TRAM2: variants seen among roughly 807,000 people sequenced by gnomAD.
TRAM2 encodes the protein translocating chain-associated membrane protein 2.
Under a neutral mutation model 51.0 loss-of-function variants are expected in TRAM2, and 12 were observed. The ratio of observed to expected loss-of-function variants is 0.24; its 90% confidence interval spans 0.15 to 0.38. The LOEUF (loss-of-function observed/expected upper bound fraction) is 0.38, where lower values mean the gene tolerates loss of function less well. Among genes scored for constraint, TRAM2 ranks in the 10% least tolerant of loss-of-function variants. The probability of loss-of-function intolerance (pLI) is 1.00; values close to 1 mark genes in which losing one functional copy is unlikely to be tolerated. For missense variants in TRAM2, 361 were observed against 462.0 expected (o/e 0.78, Z 2.00); for synonymous variants, 175 against 179.4 (o/e 0.98, Z 0.20).
intron 4 of TRAM2, 48 bp downstream of exon 4, chr6:52,515,957 GC>G (rs761724888): frequency 6.6e-6 from 10 of 1,514,746 alleles, no homozygotes; most frequent in South Asian, 1.1e-5. Flanking sequence ...AGCTGGAATT[GC>G]CCCTTGGTTT....
chr6:52,500,051 A>T lies in TRAM2; in HGVS notation c.*3146T>A, dbSNP rs1218365091. 1 of 152,130 alleles carries T rather than the reference A, an allele frequency of 6.6e-6. No homozygotes were observed. Among genetic ancestry groups the T allele is most frequent in the Non-Finnish European group, 1.5e-5 (1 of 68,122 alleles). 9.4% of individuals were successfully genotyped at this position (152,130 alleles called of 1,614,324 possible). ...CACAGATCCTTGGTCCACCAGCGCC[A>T]CCTCCCTCTCCTCCTGCTGTGTCTG... On this transcript the variant is annotated 3_prime_UTR_variant, in exon 11 of 11. Transcript: ENST00000182527.
At chr6:52,535,558 G>A (rs183990166) in intron 2 of TRAM2, among the ~76,000 whole-genome samples, 11 of 152,338 alleles carry the variant, frequency 7.2e-5, no homozygotes, top group Non-Finnish European at 1.2e-4. Context: ...GCACACGCCT[G>A]TAATCCCAGC....
chr6:52,509,528 G>C lies in TRAM2; in HGVS notation c.470C>G (p.Pro157Arg). 1 of 1,613,370 alleles carries C rather than the reference G, an allele frequency of 6.2e-7. No homozygotes were observed. The highest frequency in any genetic ancestry group is 8.5e-7 in the Non-Finnish European group (1 of 1,179,722). ...LWEDYPHVHL[P>R]FQVKFFYLCQ... ...GGGGCTGAGTCAACAGAATACTCAC[G>C]GGAGGTGCACATGCGGGTAGTCTTC... Residue 157 changes from proline to arginine, a missense_variant and splice_region_variant, in exon 5 of 11, where the codon CCC becomes CGC. Transcript: ENST00000182527.
At position 52,499,118 on chromosome 6, in the gene TRAM2, TAA is replaced by T. The variant is rs925790977; in HGVS notation, c.*4077_*4078del. The T allele has an allele frequency of 2.5e-4, 38 of 152,102 alleles. No homozygotes were observed. Among genetic ancestry groups the T allele is most frequent in the African/African-American group, 7.7e-4 (32 of 41,406 alleles). 9.4% of individuals were successfully genotyped at this position (152,102 alleles called of 1,614,324 possible). A position where few individuals can be genotyped will look rare whatever the true frequency, so the allele number is the denominator to read the frequency against. On this transcript the variant is annotated 3_prime_UTR_variant, in exon 11 of 11. Coordinates refer to ENST00000182527, the MANE Select transcript of TRAM2 (RefSeq NM_012288.4). ...GTAGTGGGGTAGAGTGAGAAGTTGG[TAA>T]AGTCTTCCTCACTGGGACAACCTTG...
In TRAM2 at chr6:52,503,193, G is replaced by C. The variant is rs1183755476; in HGVS notation, c.*4C>G. Reference sequence around the variant, plus strand: ...AGAGGATTCCTGTTCTTAGCACTTTGGCCTTAGGGAGACTTGAGTTTCTTA... The same window carrying C: ...AGAGGATTCCTGTTCTTAGCACTTTCGCCTTAGGGAGACTTGAGTTTCTTA... On this transcript the variant is annotated 3_prime_UTR_variant, in exon 11 of 11. Coordinates refer to ENST00000182527, the MANE Select transcript of TRAM2 (RefSeq NM_012288.4). 1 of 1,613,074 alleles carries C rather than the reference G, an allele frequency of 6.2e-7. No individual in the cohort carries two copies.
chr6:52,507,773 C>A (rs2114062090), intron 6 of TRAM2, 150 bp from the exon 7 acceptor site: 1 of 684,058 alleles, frequency 1.5e-6, no homozygotes, highest in East Asian at 2.7e-5. Flanking sequence ...CACAGTCCCA[C>A]TGCACCAGGC....
intron 1 of TRAM2, among the ~76,000 whole-genome samples, chr6:52,569,796 C>T (rs528303502): frequency 1.3e-5 from 2 of 152,194 alleles, no homozygotes; most frequent in East Asian, 1.9e-4. Context: ...TCAGCACAGG[C>T]CCAGAACAGG....
Position 52,535,767 on chromosome 6 carries a change from G to C in TRAM2, c.184+16C>G, listed in dbSNP as rs768217989. The C allele has an allele frequency of 6.2e-7, 1 of 1,607,628 alleles. No individual in the cohort carries two copies. The highest frequency in any genetic ancestry group is 2.2e-5 in the East Asian group (1 of 44,872). ...GTTAACAGGGCCAGGAGAAGATGGA[G>C]ACCAGTGATTCTTACCTGCTGTAGG... On this transcript the variant is annotated intron_variant, in intron 2 of 10. Coordinates refer to ENST00000182527, the MANE Select transcript of TRAM2 (RefSeq NM_012288.4).
At chr6:52,563,884 C>T (rs1243099638) in intron 1 of TRAM2, among the ~76,000 whole-genome samples, 1 of 117,344 alleles carries the variant, frequency 8.5e-6, no homozygotes, top group Non-Finnish European at 1.7e-5. Context: ...AATGTATCTC[C>T]TAATGGTACC....
Position 52,503,079 on chromosome 6 carries a change from T to C in TRAM2, c.*118A>G. ...CCCCCTCCCCCCATTGCAAGACAGG[T>C]TTCGGCTGTTTGAGACGGAGCATCA... On this transcript the variant is annotated 3_prime_UTR_variant, in exon 11 of 11. Coordinates refer to ENST00000182527, the MANE Select transcript of TRAM2 (RefSeq NM_012288.4). 1.2e-6 allele frequency: 1 copy of C among 846,516 alleles called. No homozygotes were observed. Among genetic ancestry groups the C allele is most frequent in the African/African-American group, 1.7e-5 (1 of 58,980 alleles). 52.4% of individuals were successfully genotyped at this position (846,516 alleles called of 1,614,324 possible).
In TRAM2 at chr6:52,503,250, C is replaced by G. The variant is rs1766273872; in HGVS notation, c.1060G>C (p.Val354Leu). Reference sequence around the variant, plus strand: ...GGGGAGGTTCCGTTCTCTGCCTTCACCACTCCATTTTCATGGTAACCTGGG... The same window carrying G: ...GGGGAGGTTCCGTTCTCTGCCTTCAGCACTCCATTTTCATGGTAACCTGGG... ...RESGYHENGV[V>L]KAENGTSPRT... Residue 354 changes from valine (V) to leucine (L), a missense_variant, in exon 11 of 11, where the codon GTG becomes CTG. Val to Leu is a conservative substitution (Grantham distance 32). Coordinates refer to ENST00000182527, the MANE Select transcript of TRAM2 (RefSeq NM_012288.4). 1 of 1,614,026 alleles carries G rather than the reference C, an allele frequency of 6.2e-7. No homozygotes were observed. The highest frequency in any genetic ancestry group is 1.3e-5 in the African/African-American group (1 of 75,006).
At chr6:52,540,543 G>A (rs983124183) in intron 1 of TRAM2, among the ~76,000 whole-genome samples, 3 of 152,142 alleles carry the variant, frequency 2.0e-5, no homozygotes, top group African/African-American at 7.2e-5. Context: ...AAAAGCACTA[G>A]TCAAGAGCAG....
chr6:52,536,643 G>A (rs1389185905), intron 1 of TRAM2, among the ~76,000 whole-genome samples: 1 of 152,288 alleles, frequency 6.6e-6, no homozygotes, highest in African/African-American at 2.4e-5. Context: ...GCCTCAGTCT[G>A]CTTGTCCATA....
rs1187064516 is a variant in TRAM2 at position 52,516,699 on chromosome 6, G to T, written c.223C>A (p.Leu75Met). The change falls in exon 3 of 11, where the codon CTG becomes ATG. Residue 75 changes from leucine (L) to methionine (M), a missense_variant. Coordinates refer to ENST00000182527, the MANE Select transcript of TRAM2 (RefSeq NM_012288.4). ...AAGATGTAGAACAAGATTGTGACCA[G>T]GTCCTTAGGGCCATAGTGGTAGTGC... ...TVHYHYGPKDLVTILFYIFIT... is the reference protein window; with the variant it reads ...TVHYHYGPKDMVTILFYIFIT... 6.2e-7 allele frequency: 1 copy of T among 1,614,088 alleles called. No individual in the cohort carries two copies. The highest frequency in any genetic ancestry group is 1.3e-5 in the African/African-American group (1 of 74,928).
intron 4 of TRAM2, among the ~76,000 whole-genome samples, chr6:52,510,012 C>T (rs1766424474): frequency 6.6e-6 from 1 of 152,162 alleles, no homozygotes; most frequent in African/African-American, 2.4e-5. Context: ...TGCAGGCGCT[C>T]AGGAAATGCC....
chr6:52,538,416 G>A (rs910748204), intron 1 of TRAM2, among the ~76,000 whole-genome samples: 1 of 152,124 alleles, frequency 6.6e-6, no homozygotes, highest in African/African-American at 2.4e-5. Flanking sequence ...GAGGATGGAG[G>A]GGATAGACCC....
intron 2 of TRAM2, among the ~76,000 whole-genome samples, chr6:52,532,180 A>C (rs1320478334): frequency 1.3e-5 from 2 of 152,208 alleles, no homozygotes; most frequent in African/African-American, 4.8e-5. Context: ...AAACTCAAAA[A>C]TCAACCCTCT....
chr6:52,520,457 A>G (rs756834372), intron 2 of TRAM2, among the ~76,000 whole-genome samples: 2 of 152,230 alleles, frequency 1.3e-5, no homozygotes, highest in African/African-American at 2.4e-5. Flanking sequence ...ATCGGAGAAG[A>G]GATGGGCGTC....
In TRAM2 at chr6:52,509,539, A is replaced by G. The variant is rs1259330216; in HGVS notation, c.459T>C (p.His153=). ...AACAGAATACTCACGGGAGGTGCAC[A>G]TGCGGGTAGTCTTCCCAGAGGCTTC... The part of the protein sequence containing the change: ...NPRSLWEDYP[H]VHLPFQVKFF... Residue 153 remains histidine (H), a synonymous_variant, in exon 5 of 11, where the codon CAT becomes CAC. Transcript: ENST00000182527. 1 of 1,614,004 alleles carries G rather than the reference A, an allele frequency of 6.2e-7. No homozygotes were observed. Among genetic ancestry groups the G allele is most frequent in the African/African-American group, 1.3e-5 (1 of 74,916 alleles).
Sources: gnomAD v4.1 joint callset for allele counts (sites outside exome capture counted in the v4.1 genomes callset) on GRCh38, gnomAD v4.1.1 for gene constraint, MANE v1.5 for transcripts, NCBI Gene and HGNC (gene_info 2026-07-23, HGNC 2026-07-21) for gene names.